CPA6: variants seen among roughly 807,000 people sequenced by gnomAD.
CPA6 encodes carboxypeptidase A6, also known as carboxypeptidase B.
CPA6 carries 58 observed loss-of-function variants against 63.3 expected under a neutral mutation model. That is an observed-to-expected ratio of 0.92 (90% CI 0.74 to 1.14). The LOEUF is 1.14. Among genes scored for constraint, CPA6 ranks in the 50% most tolerant of loss-of-function variants. The pLI, the probability that CPA6 is intolerant of heterozygous loss-of-function variation, is 0.00. For synonymous variants in CPA6, 185 were observed against 179.0 expected, an observed-to-expected ratio of 1.03 and a Z score of -0.27; for missense variants, 565 against 526.6, an observed-to-expected ratio of 1.07 and a Z score of -0.71.
intron 1 of CPA6, among the ~76,000 whole-genome samples, chr8:67,667,606 C>A (rs1254351755): frequency 6.6e-6 from 1 of 152,068 alleles, no homozygotes; most frequent in Non-Finnish European, 1.5e-5. Flanking sequence ...GGAGGATCGG[C>A]AAGGTTAGGT....
At chr8:67,566,102 G>A (rs11997518) in intron 2 of CPA6, among the ~76,000 whole-genome samples, 96,880 of 152,136 alleles carry the variant, frequency 0.64, 31,348 homozygotes, top group Non-Finnish European at 0.7. Context: ...AATAGCTCAA[G>A]TCTCAGAGGA....
chr8:67,604,894 C>T (rs1417846245), intron 2 of CPA6, among the ~76,000 whole-genome samples: 1 of 152,166 alleles, frequency 6.6e-6, no homozygotes, highest in Non-Finnish European at 1.5e-5. Flanking sequence ...TTTCCCGCCT[C>T]AGCCTCCCAA....
intron 1 of CPA6, among the ~76,000 whole-genome samples, chr8:67,687,876 A>G (rs11987166): frequency 0.24 from 36,229 of 152,112 alleles, 4,491 homozygotes; most frequent in South Asian, 0.35. Flanking sequence ...ATTCAAATGC[A>G]AGGTTTTGTA....
intron 2 of CPA6, among the ~76,000 whole-genome samples, chr8:67,519,175 C>T (rs1812210613): frequency 6.6e-6 from 1 of 152,220 alleles, no homozygotes; most frequent in South Asian, 2.1e-4. Flanking sequence ...TGTTTCCTTA[C>T]TATAGTGTCC....
chr8:67,636,802 GA>G (rs1398246630), intron 1 of CPA6, among the ~76,000 whole-genome samples: 2 of 151,618 alleles, frequency 1.3e-5, no homozygotes, highest in African/African-American at 2.4e-5. Context: ...ATTCCACCTA[GA>G]AAAATTAATG....
At chr8:67,491,977 G>C (rs1387691644) in intron 6 of CPA6, among the ~76,000 whole-genome samples, 2 of 152,194 alleles carry the variant, frequency 1.3e-5, no homozygotes, top group African/African-American at 4.8e-5. Context: ...GTGTAGTTGT[G>C]TTGTGTCCTT....
At chr8:67,674,874 A>G (rs745487702) in intron 1 of CPA6, among the ~76,000 whole-genome samples, 13 of 152,206 alleles carry the variant, frequency 8.5e-5, no homozygotes, top group Admixed American at 1.3e-4. Flanking sequence ...TTTTGCAGCA[A>G]CATGGATGGA....
intron 2 of CPA6, among the ~76,000 whole-genome samples, chr8:67,574,113 C>A (rs576807090): frequency 6.6e-6 from 1 of 152,024 alleles, no homozygotes; most frequent in Admixed American, 6.6e-5. Flanking sequence ...TGTGGTGGTT[C>A]ATGACTGTGA....
At chr8:67,552,878 A>C (rs1262393222) in intron 2 of CPA6, among the ~76,000 whole-genome samples, 1 of 151,842 alleles carries the variant, frequency 6.6e-6, no homozygotes, top group Non-Finnish European at 1.5e-5. Context: ...CAATTTGGTT[A>C]AAATAAGTTC....
chr8:67,541,546 C>T (rs750844045), intron 2 of CPA6, among the ~76,000 whole-genome samples: 6 of 152,162 alleles, frequency 3.9e-5, no homozygotes, highest in Non-Finnish European at 7.3e-5. Flanking sequence ...GATCACGATC[C>T]TCTCTTGTGG....
At chr8:67,667,357 G>T (rs1816253322) in intron 1 of CPA6, among the ~76,000 whole-genome samples, 1 of 151,998 alleles carries the variant, frequency 6.6e-6, no homozygotes, top group African/African-American at 2.4e-5. Context: ...TAGCCCCCAG[G>T]TTTCCCCAAG....
chr8:67,589,548 T>A (rs991860855), intron 2 of CPA6, among the ~76,000 whole-genome samples: 2 of 152,182 alleles, frequency 1.3e-5, no homozygotes, highest in African/African-American at 4.8e-5. Flanking sequence ...TTCAAATGTA[T>A]CTAATTTTGT....
rs138235426 is a variant in CPA6 at position 67,529,519 on chromosome 8, A to T, written c.193-11472T>A. Among the ~76,000 whole-genome samples the T allele has an allele frequency of 4.0e-3, 604 of 152,260 alleles. 5 individuals are homozygous for T. Among genetic ancestry groups the T allele is most frequent in the Non-Finnish European group, 5.7e-3 (387 of 68,016 alleles). ...TCTAAATTCTCTATGTTCCAACCCC[A>T]CTCTTAGATAATGGGCCCTCCAATA... On this transcript the variant is annotated intron_variant, in intron 2 of 10. Transcript: ENST00000297770.
intron 2 of CPA6, among the ~76,000 whole-genome samples, chr8:67,523,681 G>A (rs1812305459): frequency 6.6e-6 from 1 of 152,234 alleles, no homozygotes; most frequent in South Asian, 2.1e-4. Context: ...TTCTTGTGCT[G>A]TGCTTACTTA....
intron 2 of CPA6, among the ~76,000 whole-genome samples, chr8:67,579,040 A>T (rs1030275726): frequency 1.3e-5 from 2 of 152,260 alleles, no homozygotes; most frequent in African/African-American, 4.8e-5. Flanking sequence ...CCTTTAATAT[A>T]TTTAAACAAC....
chr8:67,445,662 GTGTCTACATGT>G (rs1378448827), intron 8 of CPA6, among the ~76,000 whole-genome samples: 1 of 152,092 alleles, frequency 6.6e-6, no homozygotes, highest in East Asian at 1.9e-4. Context: ...AAATAACTTA[GTGTCTACATGT>G]TGTTTTTCTT....
At chr8:67,498,805 T>C (rs1410584981) in intron 6 of CPA6, among the ~76,000 whole-genome samples, 1 of 152,178 alleles carries the variant, frequency 6.6e-6, no homozygotes, top group African/African-American at 2.4e-5. Flanking sequence ...ATTTGTCTTC[T>C]TAATTCTACT....
At chr8:67,430,165 GTGTGTGTA>G (rs1408783507) in intron 9 of CPA6, among the ~76,000 whole-genome samples, 19 of 138,552 alleles carry the variant, frequency 1.4e-4, no homozygotes, top group African/African-American at 4.4e-4. Flanking sequence ...GTGTGTGTGT[GTGTGTGTA>G]TATATTTTGT....
At chr8:67,652,499 A>G (rs1400382137) in intron 1 of CPA6, among the ~76,000 whole-genome samples, 3 of 151,974 alleles carry the variant, frequency 2.0e-5, no homozygotes, top group South Asian at 4.2e-4. Context: ...GCCAGTGATG[A>G]TGAGCATTTT....
Sources: allele counts gnomAD v4.1 joint callset (sites outside exome capture counted in the v4.1 genomes callset), GRCh38; gene constraint gnomAD v4.1.1; transcripts MANE v1.5; gene names NCBI Gene and HGNC (gene_info 2026-07-23, HGNC 2026-07-21).